CNTNAP2: variants seen among roughly 807,000 people sequenced by gnomAD.
The protein encoded by CNTNAP2 is contactin associated protein 2, also known as contactin-associated protein-like 2.
CNTNAP2 carries 98 observed loss-of-function variants against 155.2 expected under a neutral mutation model. That is an observed-to-expected ratio of 0.63 (90% CI 0.54 to 0.75). The LOEUF is 0.75. Among genes scored for constraint, CNTNAP2 ranks in the 30% least tolerant of loss-of-function variants. CNTNAP2 has a pLI of 0.00. For synonymous variants in CNTNAP2, 651 were observed against 631.2 expected (o/e 1.03, Z -0.47); for missense variants, 1,727 against 1,688.1 (o/e 1.02, Z -0.40).
chr7:148,055,848 A>G (rs1802997363), intron 15 of CNTNAP2, among the ~76,000 whole-genome samples: 1 of 152,168 alleles, frequency 6.6e-6, no homozygotes, highest in Non-Finnish European at 1.5e-5. Context: ...TGAAGGAGGC[A>G]GTGGGTTTCT....
chr7:148,409,423 G>A lies in CNTNAP2; in HGVS notation c.3748G>A (p.Gly1250Ser), dbSNP rs774676392. ...SADFPYNPGQ[G>S]QAIRNGVNRN... Reference sequence around the variant, plus strand: ...GGATTTTCCATATAATCCAGGACAAGGCCAAGCTATAAGAAATGGAGTCAA... The same window carrying A: ...GGATTTTCCATATAATCCAGGACAAAGCCAAGCTATAAGAAATGGAGTCAA... The change falls in exon 23 of 24, where the codon GGC (glycine) becomes AGC (serine). Residue 1250 changes from glycine to serine, a missense_variant. By Grantham distance (56) the Gly-to-Ser change is moderately conservative. Transcript: ENST00000361727. 6.2e-7 allele frequency: 1 copy of A among 1,613,808 alleles called. No homozygotes were observed.
intron 8 of CNTNAP2, among the ~76,000 whole-genome samples, chr7:147,259,801 A>C (rs1334448338): frequency 6.6e-6 from 1 of 152,228 alleles, no homozygotes; most frequent in Non-Finnish European, 1.5e-5. Context: ...AAACACCTAG[A>C]GAAGTAGAGA....
At chr7:147,691,099 T>C (rs887979439) in intron 13 of CNTNAP2, among the ~76,000 whole-genome samples, 2 of 152,156 alleles carry the variant, frequency 1.3e-5, no homozygotes, top group African/African-American at 4.8e-5. Flanking sequence ...TCATCAAAGA[T>C]ATAAATGACT....
chr7:146,423,497 ATGAT>A (rs1796043925), intron 1 of CNTNAP2, among the ~76,000 whole-genome samples: 2 of 152,276 alleles, frequency 1.3e-5, no homozygotes, highest in East Asian at 3.9e-4. Flanking sequence ...AGAGAGATGA[ATGAT>A]TGATTCCTAC....
At chr7:148,055,433 T>C (rs1802988673) in intron 15 of CNTNAP2, among the ~76,000 whole-genome samples, 1 of 152,190 alleles carries the variant, frequency 6.6e-6, no homozygotes, top group Non-Finnish European at 1.5e-5. Flanking sequence ...CATGGTGCTA[T>C]GGAGCAAGCC....
intron 9 of CNTNAP2, among the ~76,000 whole-genome samples, chr7:147,348,070 G>C (rs1157465116): frequency 1.3e-5 from 2 of 151,982 alleles, no homozygotes; most frequent in African/African-American, 4.8e-5. Context: ...TAATAAAACT[G>C]CTAGAAGAAG....
At chr7:147,893,568 A>G (rs1406162724) in intron 13 of CNTNAP2, among the ~76,000 whole-genome samples, 1 of 152,196 alleles carries the variant, frequency 6.6e-6, no homozygotes, top group Non-Finnish European at 1.5e-5. Flanking sequence ...GATCACAGGG[A>G]CACTGAGTCT....
intron 14 of CNTNAP2, among the ~76,000 whole-genome samples, chr7:147,951,517 C>T (rs1348006006): frequency 6.6e-6 from 1 of 152,092 alleles, no homozygotes; most frequent in Non-Finnish European, 1.5e-5. Context: ...GTTATTAATT[C>T]TGGGGTCAAC....
rs571671182 is a variant in CNTNAP2, at chr7:146,694,914, A to C, written c.98-79357A>C. Among the ~76,000 whole-genome samples the C allele has an allele frequency of 8.2e-4, 125 of 152,152 alleles. 1 individual carries two copies. Among genetic ancestry groups the C allele is most frequent in the Non-Finnish European group, 1.4e-3 (97 of 68,024 alleles). ...GAGTGTTCATTGCTGGTATATAGGA[A>C]AACAACTTTTGCACATTAACCTTGA... On this transcript the variant is annotated intron_variant, in intron 1 of 23. Coordinates refer to ENST00000361727, the MANE Select transcript of CNTNAP2 (RefSeq NM_014141.6).
At chr7:147,353,056 ACT>A (rs1332133276) in intron 9 of CNTNAP2, among the ~76,000 whole-genome samples, 2 of 149,680 alleles carry the variant, frequency 1.3e-5, no homozygotes, top group African/African-American at 2.5e-5. Context: ...ATAAACCGCA[ACT>A]CTGTTTCAGC....
intron 14 of CNTNAP2, among the ~76,000 whole-genome samples, chr7:147,943,818 C>A (rs1800772586): frequency 1.6e-5 from 2 of 126,334 alleles, no homozygotes; most frequent in Non-Finnish European, 1.6e-5. Context: ...TTTGGTTCAT[C>A]TGAAAATTTC....
At chr7:147,964,015 G>T (rs1368794611) in intron 14 of CNTNAP2, among the ~76,000 whole-genome samples, 1 of 152,076 alleles carries the variant, frequency 6.6e-6, no homozygotes, top group Non-Finnish European at 1.5e-5. Flanking sequence ...CAACATGATT[G>T]TATTTGGAGA....
chr7:146,774,445 C>A (rs1802352486), intron 2 of CNTNAP2, 64 bp downstream of exon 2: 1 of 1,061,404 alleles, frequency 9.4e-7, no homozygotes, highest in Non-Finnish European at 1.4e-6. Flanking sequence ...ATATTTATAG[C>A]CATATATATA....
chr7:147,279,889 T>C (rs528273037), intron 8 of CNTNAP2, among the ~76,000 whole-genome samples: 1 of 151,864 alleles, frequency 6.6e-6, no homozygotes, highest in African/African-American at 2.4e-5. Context: ...ATTAGGATGT[T>C]TACACGGTGG....
chr7:146,230,167 A>G (rs1202316467), intron 1 of CNTNAP2, among the ~76,000 whole-genome samples: 1 of 152,216 alleles, frequency 6.6e-6, no homozygotes, highest in African/African-American at 2.4e-5. Flanking sequence ...CAAAAAAGAA[A>G]ACAAAAAATG....
intron 19 of CNTNAP2, among the ~76,000 whole-genome samples, chr7:148,219,917 G>C (rs1795714586): frequency 6.6e-6 from 1 of 152,076 alleles, no homozygotes; most frequent in Admixed American, 6.6e-5. Context: ...AGCTAGAACT[G>C]TTATTACTAA....
intron 15 of CNTNAP2, among the ~76,000 whole-genome samples, chr7:147,978,596 G>C (rs375299528): frequency 8.5e-5 from 13 of 152,162 alleles, no homozygotes; most frequent in East Asian, 1.9e-4. Flanking sequence ...TTGGAGTGAT[G>C]GTCCCTCCTA....
At chr7:147,515,808 C>T (rs1432893572) in intron 11 of CNTNAP2, among the ~76,000 whole-genome samples, 12 of 152,146 alleles carry the variant, frequency 7.9e-5, no homozygotes, top group Admixed American at 6.6e-4. Context: ...GGATTAACTA[C>T]ATTCATTTAT....
At chr7:147,811,544 C>T (rs1408735638) in intron 13 of CNTNAP2, among the ~76,000 whole-genome samples, 1 of 152,064 alleles carries the variant, frequency 6.6e-6, no homozygotes, top group African/African-American at 2.4e-5. Context: ...CCTAGAAGCC[C>T]AGTGTCCCCT....
Sources: gnomAD v4.1 joint callset for allele counts (sites outside exome capture counted in the v4.1 genomes callset) on GRCh38, gnomAD v4.1.1 for gene constraint, MANE v1.5 for transcripts, NCBI Gene and HGNC (gene_info 2026-07-23, HGNC 2026-07-21) for gene names.